The following TTI2 variants were observed in gnomAD, a reference collection of about 807,000 sequenced individuals.
TTI2 encodes the protein TELO2 interacting protein 2.
Under a neutral mutation model 44.9 loss-of-function variants are expected in TTI2, and 26 were observed. That is an observed-to-expected ratio of 0.58 (90% confidence interval 0.42 to 0.80). TTI2 has a LOEUF of 0.80. TTI2 is among the 30% of genes least tolerant of loss of function. The pLI is 0.00. For synonymous variants in TTI2, 254 were observed against 250.9 expected, an observed-to-expected ratio of 1.01 and a Z score of -0.12; for missense variants, 582 against 611.6, an observed-to-expected ratio of 0.95 and a Z score of 0.51.
chr8:33,501,410 A>G (rs1809075187), intron 6 of TTI2: 1 of 152,084 alleles, frequency 6.6e-6, no homozygotes, highest in Non-Finnish European at 1.5e-5. Context: ...GCATACACAC[A>G]TATTCCTTTT....
chr8:33,509,956 T>C, intron 2 of TTI2, 24 bp from the exon 3 acceptor site: 1 of 1,374,140 alleles, frequency 7.3e-7, no homozygotes, highest in Admixed American at 1.8e-5. Context: ...TAGAATTACA[T>C]TAAGTGACAT....
At position 33,499,224 on chromosome 8, in the gene TTI2, A is replaced by G. The variant is rs753987811; in HGVS notation, c.1476T>C (p.Tyr492=). 8 of 1,614,112 alleles carry G rather than the reference A, an allele frequency of 5.0e-6. No homozygotes were observed. The highest frequency in any genetic ancestry group is 2.2e-5 in the East Asian group (1 of 44,872). Residue 492 remains tyrosine (Y), a synonymous_variant, in exon 8 of 8, where the codon TAT becomes TAC. Coordinates refer to ENST00000431156, the MANE Select transcript of TTI2 (RefSeq NM_001102401.4). ...QSCEDRKVVN[Y]IRKVQQVSEG... ...CAGAAACCTGCTGCACTTTTCTGAT[A>G]TAGTTCACCACTTTTCTGTCTTCAC...
Position 33,507,223 on chromosome 8 carries a change from T to A in TTI2, c.927+6A>T. 2 of 1,612,642 alleles carry A rather than the reference T, an allele frequency of 1.2e-6. No individual in the cohort carries two copies. The highest frequency in any genetic ancestry group is 1.7e-6 in the Non-Finnish European group (2 of 1,178,630). ...AGACCCAGTTATGAAGAAATCATAC[T>A]ATTACCTGAATGAGGTGGTGCTCTG... is the stretch of plus-strand genomic sequence containing the variant. On this transcript the variant is annotated splice_donor_region_variant and intron_variant, in intron 4 of 7. Coordinates refer to ENST00000431156, the MANE Select transcript of TTI2 (RefSeq NM_001102401.4).
Position 33,498,966 on chromosome 8 carries a change from C to T in TTI2, c.*207G>A. 5.1e-6 allele frequency: 3 copies of T among 587,168 alleles called. No homozygotes were observed. Among genetic ancestry groups the T allele is most frequent in the African/African-American group, 1.9e-5 (1 of 53,342 alleles). 36.4% of individuals were successfully genotyped at this position (587,168 alleles called of 1,614,324 possible). A position where few individuals can be genotyped will look rare whatever the true frequency, so the allele number is the denominator to read the frequency against. On this transcript the variant is annotated 3_prime_UTR_variant, in exon 8 of 8. Coordinates refer to ENST00000431156, the MANE Select transcript of TTI2 (RefSeq NM_001102401.4). ...ACATTACTTGGTGTCCTTTTTTCTC[C>T]CAAACTTTATTTAGAAATGGAAGGA...
At position 33,512,732 on chromosome 8, in the gene TTI2, A is replaced by T; in HGVS notation, c.-99-20T>A. On this transcript the variant is annotated intron_variant, in intron 1 of 7. Coordinates refer to ENST00000431156, the MANE Select transcript of TTI2 (RefSeq NM_001102401.4). The stretch of plus-strand genomic sequence containing the variant: ...AGAGAACTAAAATCAAATAAAATAA[A>T]ACAGAGAGATGTCTTGGAGGAGGGG... The T allele has an allele frequency of 8.3e-7, 1 of 1,198,854 alleles. No individual in the cohort carries two copies. The highest frequency in any genetic ancestry group is 1.2e-6 in the Non-Finnish European group (1 of 861,528). 74.3% of individuals were successfully genotyped at this position (1,198,854 alleles called of 1,614,324 possible).
At chr8:33,507,413 A>G (rs1809339407) in intron 3 of TTI2, 92 bp from the exon 4 acceptor site, 2 of 1,080,514 alleles carry the variant, frequency 1.9e-6, no homozygotes, top group South Asian at 1.3e-5. Context: ...GGTATGAAGC[A>G]TGAAGAACAT....
intron 7 of TTI2, chr8:33,499,689 G>C (rs1394365617): frequency 1.7e-5 from 3 of 177,852 alleles, no homozygotes; most frequent in Non-Finnish European, 3.6e-5. Flanking sequence ...CTGCTGGGTA[G>C]ATTGTCCAGT....
intron 3 of TTI2, among the ~76,000 whole-genome samples, chr8:33,509,132 CAAAAA>C (rs751009227): frequency 1.0e-5 from 1 of 97,104 alleles, no homozygotes; most frequent in Admixed American, 1.3e-4. Flanking sequence ...GATAATGTCT[CAAAAA>C]AAAAAAAAAA....
Position 33,512,414 on chromosome 8 carries a change from A to G in TTI2, c.200T>C (p.Leu67Ser), listed in dbSNP as rs763703237. ...DLIEATEFDR[L>S]FEGTGARLRG... ...GAGCCGTGCACCAGTCCCCTCAAATAACCTATCAAATTCTGTGGCTTCTAT... is the reference window on the plus strand; with the variant it reads ...GAGCCGTGCACCAGTCCCCTCAAATGACCTATCAAATTCTGTGGCTTCTAT... The change falls in exon 2 of 8, where the codon TTA becomes TCA. Residue 67 changes from leucine to serine, a missense_variant. By Grantham distance (145) the Leu-to-Ser change is moderately radical. Transcript: ENST00000431156. 1 of 1,614,040 alleles carries G rather than the reference A, an allele frequency of 6.2e-7. No homozygotes were observed. The highest frequency in any genetic ancestry group is 8.5e-7 in the Non-Finnish European group (1 of 1,179,946).
chr8:33,509,697 T>C, intron 3 of TTI2, 49 bp downstream of exon 3: 1 of 1,527,084 alleles, frequency 6.5e-7, no homozygotes, highest in African/African-American at 1.4e-5. Flanking sequence ...CAGCCAGGAA[T>C]GACTCAGTCT....
rs1809031919 is a variant in TTI2, at chr8:33,500,465, G to A, written c.1285C>T (p.Leu429=). The A allele has an allele frequency of 6.2e-7, 1 of 1,614,106 alleles. No individual in the cohort carries two copies. The highest frequency in any genetic ancestry group is 8.5e-7 in the Non-Finnish European group (1 of 1,180,014). ...CAAATCAGTTTCAAGAGGGCCTTCA[G>A]TAAGACCACAAGTCTGCAGGAAACT... The part of the protein sequence containing the change: ...PRVSCRLVVL[L]KALLKLICDV... Residue 429 remains leucine, a synonymous_variant, in exon 7 of 8, where the codon CTG becomes TTG. Coordinates refer to ENST00000431156, the MANE Select transcript of TTI2 (RefSeq NM_001102401.4).
intron 6 of TTI2, among the ~76,000 whole-genome samples, chr8:33,501,454 G>A (rs1809076411): frequency 6.6e-6 from 1 of 151,858 alleles, no homozygotes; most frequent in African/African-American, 2.4e-5. Flanking sequence ...CTCCCTTCTT[G>A]GAATCTTGGT....
chr8:33,512,384 C>T lies in TTI2; in HGVS notation c.230G>A (p.Gly77Glu). 6.2e-7 allele frequency: 1 copy of T among 1,614,228 alleles called. No individual in the cohort carries two copies. Among genetic ancestry groups the T allele is most frequent in the Non-Finnish European group, 8.5e-7 (1 of 1,180,048 alleles). Residue 77 changes from glycine to glutamate, a missense_variant, in exon 2 of 8, where the codon GGA becomes GAA. Coordinates refer to ENST00000431156, the MANE Select transcript of TTI2 (RefSeq NM_001102401.4). Reference protein sequence around the residue: ...LFEGTGARLRGMPETLGQVAK... With the variant: ...LFEGTGARLREMPETLGQVAK... The stretch of plus-strand genomic sequence containing the variant: ...TACCTGCCCCAGTGTCTCCGGCATT[C>T]CGCGGAGCCGTGCACCAGTCCCCTC...
Position 33,503,746 on chromosome 8 carries a change from AC to A in TTI2, c.1115+1del, listed in dbSNP as rs749076277. On this transcript the variant is annotated splice_donor_variant, in intron 5 of 7. Coordinates refer to ENST00000431156, the MANE Select transcript of TTI2 (RefSeq NM_001102401.4). LOFTEE classifies it high-confidence loss of function. ...ATAATAAATAAAAGCCCAGGGCCTC[AC>A]CTGTTCACGAAAGCCGGCAGGTTTC... 6.2e-7 allele frequency: 1 copy of A among 1,613,394 alleles called. No homozygotes were observed. The highest frequency in any genetic ancestry group is 2.2e-5 in the East Asian group (1 of 44,878).
chr8:33,498,970 AC>A lies in TTI2; in HGVS notation c.*202del. The A allele has an allele frequency of 1.7e-6, 1 of 598,008 alleles. No homozygotes were observed. The highest frequency in any genetic ancestry group is 2.8e-5 in the East Asian group (1 of 35,468). The allele number at this position is 598,008 out of a possible 1,614,324, so 37.0% of individuals were successfully genotyped here. A position where few individuals can be genotyped will look rare whatever the true frequency, so the allele number is the denominator to read the frequency against. ...TACTTGGTGTCCTTTTTTCTCCCAAACTTTATTTAGAAATGGAAGGAGTTCA... is the reference window on the plus strand; with the variant it reads ...TACTTGGTGTCCTTTTTTCTCCCAAATTTATTTAGAAATGGAAGGAGTTCA... On this transcript the variant is annotated 3_prime_UTR_variant, in exon 8 of 8. Coordinates refer to ENST00000431156, the MANE Select transcript of TTI2 (RefSeq NM_001102401.4).
intron 4 of TTI2, 111 bp from the exon 5 acceptor site, chr8:33,504,046 G>A: frequency 2.7e-6 from 3 of 1,109,282 alleles, no homozygotes; most frequent in South Asian, 1.3e-5. Flanking sequence ...CCATACCAGA[G>A]AATTCTAAGA....
intron 3 of TTI2, among the ~76,000 whole-genome samples, chr8:33,509,490 T>G (rs1445062070): frequency 1.5e-5 from 2 of 136,224 alleles, no homozygotes; most frequent in African/African-American, 2.8e-5. Context: ...AGAAAGAAAA[T>G]CAACTGTTGA....
intron 3 of TTI2, 147 bp downstream of exon 3, chr8:33,509,599 A>G: frequency 1.3e-6 from 1 of 756,638 alleles, no homozygotes; most frequent in South Asian, 1.5e-5. Context: ...TATAGGATAC[A>G]ACTTCTACCA....
At chr8:33,504,717 G>GTTGGGCTGCATGCAAAGCCATC (rs1459585489) in intron 4 of TTI2, among the ~76,000 whole-genome samples, 2 of 152,230 alleles carry the variant, frequency 1.3e-5, no homozygotes, top group African/African-American at 4.8e-5. Context: ...ACAGATTTGT[G>GTTGGGCTGCATGCAAAGCCATC]TTGGGCTGCA....
Sources: gnomAD v4.1 joint callset for allele counts (sites outside exome capture counted in the v4.1 genomes callset) on GRCh38, gnomAD v4.1.1 for gene constraint, MANE v1.5 for transcripts, NCBI Gene and HGNC (gene_info 2026-07-23, HGNC 2026-07-21) for gene names.